MAF: variants seen among roughly 807,000 people sequenced by gnomAD.
MAF encodes transcription factor Maf.
Under a neutral mutation model 22.0 loss-of-function variants are expected in MAF, and 10 were observed. That is an observed-to-expected ratio of 0.45 (90% CI 0.28 to 0.77). The LOEUF (loss-of-function observed/expected upper bound fraction) is 0.77. Among genes scored for constraint, MAF ranks in the 30% least tolerant of loss-of-function variants. The probability of loss-of-function intolerance (pLI) is 0.12; values close to 1 mark genes in which losing one functional copy is unlikely to be tolerated. For missense variants in MAF, 544 were observed against 548.4 expected (o/e 0.99, Z 0.08); for synonymous variants, 337 against 255.8 (o/e 1.32, Z -3.03).
chr16:79,458,607 A>C, the MAF span, among the ~76,000 whole-genome samples: 1 of 152,164 alleles, frequency 6.6e-6, no homozygotes, highest in Non-Finnish European at 1.5e-5. Flanking sequence ...CTCTTTGTGC[A>C]TTTCTGTATT....
At chr16:79,517,028 A>AC in the MAF span, among the ~76,000 whole-genome samples, 1 of 149,238 alleles carries the variant, frequency 6.7e-6, no homozygotes, top group African/African-American at 2.5e-5. Context: ...AAGTTTTTTT[A>AC]TTTTTTTTTT....
At chr16:79,520,253 C>T in the MAF span, among the ~76,000 whole-genome samples, 18 of 152,258 alleles carry the variant, frequency 1.2e-4, no homozygotes, top group African/African-American at 4.1e-4. Context: ...ACTCCTGGTT[C>T]GAGCCCTTCT....
chr16:79,433,719 G>A, the MAF span, among the ~76,000 whole-genome samples: 2 of 152,108 alleles, frequency 1.3e-5, no homozygotes, highest in African/African-American at 4.8e-5. Flanking sequence ...TGCCTTCTGT[G>A]TGCCACCTCC....
chr16:79,477,411 C>T, the MAF span, among the ~76,000 whole-genome samples: 1 of 152,138 alleles, frequency 6.6e-6, no homozygotes, highest in Non-Finnish European at 1.5e-5. Context: ...AGAAGGCCAG[C>T]CTCCACGAGC....
At chr16:79,440,115 T>C in the MAF span, among the ~76,000 whole-genome samples, 14 of 152,316 alleles carry the variant, frequency 9.2e-5, no homozygotes, top group East Asian at 1.2e-3. Context: ...AAGTTCTCCT[T>C]TCCCTTGAGT....
chr16:79,562,891 T>A, the MAF span, among the ~76,000 whole-genome samples: 1,680 of 152,304 alleles, frequency 0.011, 26 homozygotes, highest in African/African-American at 0.038. Flanking sequence ...ACAGAGTAGA[T>A]CTTTCCCTTC....
chr16:79,252,024 G>C, the MAF span, among the ~76,000 whole-genome samples: 1 of 152,242 alleles, frequency 6.6e-6, no homozygotes, highest in Non-Finnish European at 1.5e-5. Flanking sequence ...CCTGCAAATA[G>C]CATCCTTTGG....
At chr16:79,479,241 C>T in the MAF span, among the ~76,000 whole-genome samples, 2 of 152,362 alleles carry the variant, frequency 1.3e-5, no homozygotes, top group East Asian at 3.9e-4. Context: ...CCCAGCCTAC[C>T]TGTGTCATAC....
the MAF span, among the ~76,000 whole-genome samples, chr16:79,574,019 G>T: frequency 6.2e-3 from 938 of 152,310 alleles, 9 homozygotes; most frequent in African/African-American, 0.022. Context: ...ATCTGAGACA[G>T]CTACTATGTG....
chr16:79,532,870 C>A, the MAF span, among the ~76,000 whole-genome samples: 1 of 152,220 alleles, frequency 6.6e-6, no homozygotes, highest in Admixed American at 6.5e-5. Context: ...TCCATGCGGT[C>A]AGTGCCAGCT....
chr16:79,457,571 A>T, the MAF span, among the ~76,000 whole-genome samples: 1 of 152,152 alleles, frequency 6.6e-6, no homozygotes, highest in Non-Finnish European at 1.5e-5. Context: ...TATGAAAACC[A>T]ATATACTTGA....
chr16:79,484,656 C>T, the MAF span, among the ~76,000 whole-genome samples: 101 of 152,282 alleles, frequency 6.6e-4, no homozygotes, highest in African/African-American at 2.3e-3. Context: ...TGATACCCCT[C>T]GTTGGTCCAG....
At chr16:79,353,683 G>A in the MAF span, among the ~76,000 whole-genome samples, 1 of 152,098 alleles carries the variant, frequency 6.6e-6, no homozygotes, top group Non-Finnish European at 1.5e-5. Context: ...TGCCTTTGGA[G>A]AGGAGGCAAC....
the MAF span, among the ~76,000 whole-genome samples, chr16:79,417,068 G>T: frequency 3.9e-5 from 6 of 152,138 alleles, no homozygotes; most frequent in African/African-American, 1.4e-4. Flanking sequence ...ACTCACAGAC[G>T]GAAAGGGTAT....
chr16:79,577,820 G>A, the MAF span, among the ~76,000 whole-genome samples: 1 of 152,186 alleles, frequency 6.6e-6, no homozygotes, highest in Non-Finnish European at 1.5e-5. Context: ...CCCCAAAAAT[G>A]AAATGTTCTG....
At chr16:79,488,821 A>T in the MAF span, among the ~76,000 whole-genome samples, 3 of 152,140 alleles carry the variant, frequency 2.0e-5, no homozygotes, top group Non-Finnish European at 2.9e-5. Context: ...ATGAGGACTA[A>T]TATTCCCTTG....
At chr16:79,398,057 G>A in the MAF span, among the ~76,000 whole-genome samples, 5,717 of 152,234 alleles carry the variant, frequency 0.038, 226 homozygotes, top group African/African-American at 0.094. Flanking sequence ...TTTCAGGTTC[G>A]CATTCCTTCT....
At chr16:79,408,431 C>G in the MAF span, among the ~76,000 whole-genome samples, 1 of 152,186 alleles carries the variant, frequency 6.6e-6, no homozygotes, top group Admixed American at 6.5e-5. Flanking sequence ...CCGCCTCAGC[C>G]TCCCAAAGCG....
At chr16:79,335,934 T>G in the MAF span, among the ~76,000 whole-genome samples, 2 of 152,098 alleles carry the variant, frequency 1.3e-5, no homozygotes, top group Non-Finnish European at 2.9e-5. Flanking sequence ...CTGAGCATGT[T>G]TAGAAATAGA....
Sources: allele counts gnomAD v4.1 joint callset (sites outside exome capture counted in the v4.1 genomes callset), GRCh38; gene constraint gnomAD v4.1.1; transcripts MANE v1.5; gene names NCBI Gene and HGNC (gene_info 2026-07-23, HGNC 2026-07-21).